Variants in SMARCA2 observed in about 807,000 individuals in gnomAD.
The protein encoded by SMARCA2 is SWI/SNF related BAF chromatin remodeling complex subunit ATPase 2.
SMARCA2 carries 61 observed loss-of-function variants against 199.8 expected under a neutral mutation model. The observed-to-expected ratio is 0.31, with a 90% CI of 0.25 to 0.38. The LOEUF (loss-of-function observed/expected upper bound fraction) is 0.38. Among genes scored for constraint, SMARCA2 ranks in the 10% least tolerant of loss-of-function variants. The pLI is 1.00. For synonymous variants in SMARCA2, 935 were observed against 732.0 expected, an observed-to-expected ratio of 1.28 and a Z score of -4.48; for missense variants, 1,344 against 2,012.2, an observed-to-expected ratio of 0.67 and a Z score of 6.35.
chr9:2,053,749 T>A (rs1263594749), intron 5 of SMARCA2, among the ~76,000 whole-genome samples: 2 of 152,226 alleles, frequency 1.3e-5, no homozygotes, highest in Non-Finnish European at 1.5e-5. Flanking sequence ...AATTATTTTG[T>A]CAGAATAGGA....
At chr9:2,103,689 C>T (rs1216716899) in intron 22 of SMARCA2, among the ~76,000 whole-genome samples, 2 of 144,150 alleles carry the variant, frequency 1.4e-5, no homozygotes, top group African/African-American at 2.8e-5. Flanking sequence ...AGAGAGAGGG[C>T]GAGGAGAAAG....
intron 27 of SMARCA2, among the ~76,000 whole-genome samples, chr9:2,138,455 C>T (rs141031946): frequency 1.6e-3 from 249 of 152,300 alleles, no homozygotes; most frequent in African/African-American, 5.7e-3. Context: ...AAAGCATATT[C>T]CTAACATATC....
At chr9:2,067,211 G>C (rs964770936) in intron 9 of SMARCA2, among the ~76,000 whole-genome samples, 6 of 152,226 alleles carry the variant, frequency 3.9e-5, no homozygotes, top group Admixed American at 3.9e-4. Flanking sequence ...TTTATGACTT[G>C]CAAATGTATT....
intron 33 of SMARCA2, chr9:2,192,485 G>C (rs1586827118): frequency 1.7e-6 from 1 of 584,870 alleles, no homozygotes; most frequent in Non-Finnish European, 3.0e-6. Flanking sequence ...ATAGCTTAGA[G>C]GGTGGGCTTT....
chr9:2,173,688 C>G (rs558671434), intron 29 of SMARCA2, among the ~76,000 whole-genome samples: 1 of 152,148 alleles, frequency 6.6e-6, no homozygotes, highest in Non-Finnish European at 1.5e-5. Flanking sequence ...GTTCTTCCAA[C>G]TCTAGCCTTC....
At chr9:2,053,503 AG>A (rs1820216546) in intron 5 of SMARCA2, among the ~76,000 whole-genome samples, 1 of 152,164 alleles carries the variant, frequency 6.6e-6, no homozygotes, top group Admixed American at 6.5e-5. Context: ...AGGTGTCTTC[AG>A]TTTTCCTCAT....
intron 31 of SMARCA2, among the ~76,000 whole-genome samples, chr9:2,183,157 G>T (rs1333415435): frequency 6.6e-6 from 1 of 152,182 alleles, no homozygotes; most frequent in Non-Finnish European, 1.5e-5. Context: ...TGAAAGGCTG[G>T]CAGTACCATT....
At chr9:2,038,607 A>G (rs1337889120) in intron 3 of SMARCA2, among the ~76,000 whole-genome samples, 1 of 152,174 alleles carries the variant, frequency 6.6e-6, no homozygotes, top group African/African-American at 2.4e-5. Flanking sequence ...TATATATTCT[A>G]GAGTTTCTGC....
chr9:2,081,164 T>C (rs1821550347), intron 14 of SMARCA2, among the ~76,000 whole-genome samples: 1 of 152,216 alleles, frequency 6.6e-6, no homozygotes, highest in African/African-American at 2.4e-5. Context: ...TTAACAATTT[T>C]GTATTTTCAC....
intron 23 of SMARCA2, among the ~76,000 whole-genome samples, chr9:2,105,424 T>TG (rs1822710714): frequency 6.6e-6 from 1 of 151,558 alleles, no homozygotes; most frequent in African/African-American, 2.4e-5. Flanking sequence ...TTTTTTTTTT[T>TG]GTATTTTTTA....
At chr9:2,037,958 G>A (rs1289277488) in intron 3 of SMARCA2, among the ~76,000 whole-genome samples, 1 of 152,174 alleles carries the variant, frequency 6.6e-6, no homozygotes, top group Non-Finnish European at 1.5e-5. Context: ...GTCATCTCCT[G>A]AAATAAGTCC....
At chr9:2,116,389 C>T (rs780032798) in intron 25 of SMARCA2, among the ~76,000 whole-genome samples, 7 of 152,164 alleles carry the variant, frequency 4.6e-5, no homozygotes, top group Non-Finnish European at 7.4e-5. Flanking sequence ...ATCAGCCGGA[C>T]GAGACAAGAC....
rs544469811 is a variant in SMARCA2, at chr9:2,138,642, G to A, written c.3981+14705G>A. 2.6e-4 allele frequency among the ~76,000 whole-genome samples: 40 copies of A among 152,238 alleles called. No homozygotes were observed. The South Asian group carries it at 3.5e-3, about 13-fold the overall frequency. ...TGGGCTCAGGTGTCAGATGATCAGGGTTCTGCTTGCAGATTTGTCACTGAT... is the reference window on the plus strand; with the variant it reads ...TGGGCTCAGGTGTCAGATGATCAGGATTCTGCTTGCAGATTTGTCACTGAT... On this transcript the variant is annotated intron_variant, in intron 27 of 33. Coordinates refer to ENST00000349721, the MANE Select transcript of SMARCA2 (RefSeq NM_003070.5).
intron 19 of SMARCA2, among the ~76,000 whole-genome samples, chr9:2,092,477 C>T (rs1403647555): frequency 6.6e-6 from 1 of 152,164 alleles, no homozygotes; most frequent in Non-Finnish European, 1.5e-5. Flanking sequence ...AATCTCAGTT[C>T]ACAAAGTGGT....
In SMARCA2 at chr9:2,073,212, C is replaced by T; in HGVS notation, c.1747C>T (p.Pro583Ser). Residue 583 changes from proline (P) to serine (S), a missense_variant and splice_region_variant, in exon 11 of 34, where the codon CCC becomes TCC. Transcript: ENST00000349721. ...TGACATGATTTTCCCTCCTTTGTAG[C>T]CCATAGATGAGAGCAGCCAGATGAG... ...GESALGPDGEPIDESSQMSDL... is the reference protein window; with the variant it reads ...GESALGPDGESIDESSQMSDL... 2 of 1,614,024 alleles carry T rather than the reference C, an allele frequency of 1.2e-6. No homozygotes were observed. Among genetic ancestry groups the T allele is most frequent in the Non-Finnish European group, 1.7e-6 (2 of 1,179,984 alleles).
At chr9:2,100,713 AAAG>A (rs991968180) in intron 21 of SMARCA2, among the ~76,000 whole-genome samples, 1 of 152,058 alleles carries the variant, frequency 6.6e-6, no homozygotes, top group African/African-American at 2.4e-5. Flanking sequence ...AAAAAAAAAA[AAAG>A]AAAAGATTTC....
At chr9:2,095,802 T>G (rs1011738528) in intron 19 of SMARCA2, among the ~76,000 whole-genome samples, 2 of 152,272 alleles carry the variant, frequency 1.3e-5, no homozygotes, top group South Asian at 2.1e-4. Context: ...TGATTTATTT[T>G]TAATCACATT....
chr9:2,189,302 G>C (rs972739608), intron 32 of SMARCA2, among the ~76,000 whole-genome samples: 1 of 152,106 alleles, frequency 6.6e-6, no homozygotes, highest in African/African-American at 2.4e-5. Flanking sequence ...CAGTTTATTA[G>C]CCTGCTTGTC....
intron 27 of SMARCA2, among the ~76,000 whole-genome samples, chr9:2,125,488 C>T (rs1030284034): frequency 2.1e-5 from 3 of 143,654 alleles, no homozygotes; most frequent in Non-Finnish European, 4.5e-5. Context: ...TCTGGGCCAA[C>T]CTTTTTTTTT....
Sources: gnomAD v4.1 joint callset for allele counts (sites outside exome capture counted in the v4.1 genomes callset) on GRCh38, gnomAD v4.1.1 for gene constraint, MANE v1.5 for transcripts, NCBI Gene and HGNC (gene_info 2026-07-23, HGNC 2026-07-21) for gene names.